ZNF469: variants seen among roughly 807,000 people sequenced by gnomAD.
ZNF469 encodes zinc finger protein 469.
Under a neutral mutation model 1.0 loss-of-function variants are expected in ZNF469, and 1 was observed. That is an observed-to-expected ratio of 1.00 (90% CI 0.35 to 4.73). ZNF469 has a LOEUF of 4.73. Among genes scored for constraint, ZNF469 ranks in the 30% most tolerant of loss-of-function variants. ZNF469 has a pLI of 0.16. For synonymous variants in ZNF469, 2,703 were observed against 2,363.4 expected (o/e 1.14, Z -4.17); for missense variants, 6,100 against 5,356.3 (o/e 1.14, Z -4.33).
At chr16:88,291,508 A>T in the ZNF469 span, among the ~76,000 whole-genome samples, 1 of 152,200 alleles carries the variant, frequency 6.6e-6, no homozygotes, top group Non-Finnish European at 1.5e-5. Flanking sequence ...GGCAGCCATC[A>T]TCTTGTTTTA....
At chr16:88,296,124 G>A in the ZNF469 span, among the ~76,000 whole-genome samples, 3 of 152,164 alleles carry the variant, frequency 2.0e-5, no homozygotes, top group Non-Finnish European at 2.9e-5. Context: ...CCCTTCCTGC[G>A]ACAGGAATTT....
upstream of ZNF469, among the ~76,000 whole-genome samples, chr16:88,382,407 G>T (rs1055417595): frequency 2.6e-5 from 4 of 152,256 alleles, no homozygotes; most frequent in African/African-American, 9.6e-5. Context: ...CGAACTCACG[G>T]GCCAGTCTGG....
the ZNF469 span, among the ~76,000 whole-genome samples, chr16:88,367,811 A>C: frequency 6.6e-6 from 1 of 152,274 alleles, no homozygotes; most frequent in African/African-American, 2.4e-5. Context: ...GAACAATTCC[A>C]CGAAGAGACC....
In ZNF469 at chr16:88,429,543, C is replaced by G; in HGVS notation, c.2073C>G (p.Pro691=). ...AGTGCCTGGAGGAGACCCCATTCCCCCACGAGGGCCCCGAGGTGGGTCGGG... is the reference window on the plus strand; with the variant it reads ...AGTGCCTGGAGGAGACCCCATTCCCGCACGAGGGCCCCGAGGTGGGTCGGG... ...AFQCLEETPF[P]HEGPEVGRGG... Residue 691 remains proline, a synonymous_variant, in exon 3 of 3, where the codon CCC becomes CCG. Transcript: ENST00000565624. The G allele has an allele frequency of 6.5e-7, 1 of 1,550,176 alleles. No individual in the cohort carries two copies. Among genetic ancestry groups the G allele is most frequent in the Non-Finnish European group, 8.7e-7 (1 of 1,146,870 alleles).
the ZNF469 span, among the ~76,000 whole-genome samples, chr16:88,376,485 C>T: frequency 5.0e-3 from 755 of 152,190 alleles, 3 homozygotes; most frequent in Non-Finnish European, 6.5e-3. Flanking sequence ...GGGCCCAGCC[C>T]GGGTGCCTCC....
At chr16:88,343,310 C>T in the ZNF469 span, among the ~76,000 whole-genome samples, 411 of 152,256 alleles carry the variant, frequency 2.7e-3, 7 homozygotes, top group Admixed American at 0.023. Context: ...TAAACATCCA[C>T]GAGCCCACAG....
chr16:88,333,119 G>A, the ZNF469 span, among the ~76,000 whole-genome samples: 1 of 152,326 alleles, frequency 6.6e-6, no homozygotes, highest in South Asian at 2.1e-4. Flanking sequence ...CACTGCCCAT[G>A]CTGTGGCCTC....
At chr16:88,355,099 CGCAGAACACTGG>C in the ZNF469 span, among the ~76,000 whole-genome samples, 2,990 of 152,188 alleles carry the variant, frequency 0.02, 94 homozygotes, top group African/African-American at 0.067. Context: ...GGGCAGGGGG[CGCAGAACACTGG>C]GCAGAACACT....
At chr16:88,333,595 T>G in the ZNF469 span, among the ~76,000 whole-genome samples, 15 of 152,002 alleles carry the variant, frequency 9.9e-5, no homozygotes, top group African/African-American at 3.4e-4. Flanking sequence ...TGAGCGACAG[T>G]TACAACTTGG....
At chr16:88,366,290 C>CCACCATCAT in the ZNF469 span, among the ~76,000 whole-genome samples, 3 of 151,536 alleles carry the variant, frequency 2.0e-5, no homozygotes, top group East Asian at 5.8e-4. Context: ...TTCACCACCA[C>CCACCATCAT]CACCATCATC....
At chr16:88,125,898 A>T in the ZNF469 span, among the ~76,000 whole-genome samples, 1 of 152,118 alleles carries the variant, frequency 6.6e-6, no homozygotes, top group Non-Finnish European at 1.5e-5. Flanking sequence ...TAACTTTTTA[A>T]AAAGTTCCGG....
chr16:88,200,207 T>C, the ZNF469 span, among the ~76,000 whole-genome samples: 6 of 152,030 alleles, frequency 3.9e-5, no homozygotes, highest in East Asian at 9.7e-4. Flanking sequence ...AAGGCGGCAT[T>C]TGGGGAGAAG....
the ZNF469 span, among the ~76,000 whole-genome samples, chr16:88,106,111 C>T: frequency 1.3e-5 from 2 of 152,202 alleles, no homozygotes; most frequent in African/African-American, 4.8e-5. Flanking sequence ...AACATCTGGC[C>T]CAGCACAGTG....
At chr16:88,243,006 G>C in the ZNF469 span, among the ~76,000 whole-genome samples, 2 of 152,350 alleles carry the variant, frequency 1.3e-5, no homozygotes, top group Middle Eastern at 6.8e-3. Flanking sequence ...TGATGCGGTG[G>C]GGGATGTCTA....
At chr16:88,142,029 A>G in the ZNF469 span, among the ~76,000 whole-genome samples, 1 of 152,242 alleles carries the variant, frequency 6.6e-6, no homozygotes, top group African/African-American at 2.4e-5. Flanking sequence ...TCATGTGTGC[A>G]GATCTGAGCT....
chr16:88,145,347 G>A, the ZNF469 span, among the ~76,000 whole-genome samples: 5 of 152,124 alleles, frequency 3.3e-5, no homozygotes, highest in African/African-American at 7.2e-5. Context: ...ACGGCCCCTC[G>A]TGCTATCTCT....
At chr16:88,156,217 T>G in the ZNF469 span, among the ~76,000 whole-genome samples, 1 of 152,260 alleles carries the variant, frequency 6.6e-6, no homozygotes, top group African/African-American at 2.4e-5. Context: ...CTTGATGATA[T>G]CTTTTGCACA....
the ZNF469 span, among the ~76,000 whole-genome samples, chr16:88,300,574 G>C: frequency 1.4e-4 from 21 of 150,072 alleles, no homozygotes; most frequent in African/African-American, 4.4e-4. Flanking sequence ...TCCATTTCTT[G>C]TATACAAAGG....
chr16:88,271,818 G>A, the ZNF469 span, among the ~76,000 whole-genome samples: 15 of 140,010 alleles, frequency 1.1e-4, no homozygotes, highest in African/African-American at 3.8e-4. Flanking sequence ...GGGGTGGGTG[G>A]ATGGATGGTG....
Sources: allele counts gnomAD v4.1 joint callset (sites outside exome capture counted in the v4.1 genomes callset), GRCh38; gene constraint gnomAD v4.1.1; transcripts MANE v1.5; gene names NCBI Gene and HGNC (gene_info 2026-07-23, HGNC 2026-07-21).